The following AGBL1 variants were observed in gnomAD, a reference collection of about 807,000 sequenced individuals.
AGBL1 encodes cytosolic carboxypeptidase 4.
A neutral mutation model predicts 118.9 loss-of-function variants in AGBL1; 130 were observed. The ratio of observed to expected loss-of-function variants is 1.09; its 90% CI spans 0.95 to 1.26. AGBL1 has a LOEUF of 1.26. Ranked by LOEUF, AGBL1 falls within the 50% of genes most tolerant of loss-of-function variation. The pLI, the probability that AGBL1 is intolerant of heterozygous loss-of-function variation, is 0.00. For missense variants in AGBL1, 1,584 were observed against 1,298.1 expected, an observed-to-expected ratio of 1.22 and a Z score of -3.38; for synonymous variants, 555 against 478.9, an observed-to-expected ratio of 1.16 and a Z score of -2.08.
At chr15:86,562,106 A>G (rs572554451) in intron 21 of AGBL1, among the ~76,000 whole-genome samples, 4 of 152,166 alleles carry the variant, frequency 2.6e-5, no homozygotes, top group African/African-American at 4.8e-5. Flanking sequence ...GCAAACAGGG[A>G]CAATTTGACT....
At chr15:86,240,882 G>A (rs1224801188) in intron 6 of AGBL1, among the ~76,000 whole-genome samples, 1 of 152,128 alleles carries the variant, frequency 6.6e-6, no homozygotes, top group African/African-American at 2.4e-5. Context: ...ACTCATATAT[G>A]TCTTATCAAA....
intron 24 of AGBL1, among the ~76,000 whole-genome samples, chr15:87,011,418 G>C (rs192527864): frequency 6.6e-6 from 1 of 152,188 alleles, no homozygotes; most frequent in African/African-American, 2.4e-5. Flanking sequence ...TGGGGGAAAA[G>C]GGGGAATATT....
At chr15:86,139,368 T>C (rs1384455220) in intron 1 of AGBL1, among the ~76,000 whole-genome samples, 3 of 152,194 alleles carry the variant, frequency 2.0e-5, no homozygotes, top group Non-Finnish European at 4.4e-5. Flanking sequence ...TTTTTCATAA[T>C]AGGATTTGGC....
At chr15:86,624,353 C>T (rs996296420) in intron 21 of AGBL1, among the ~76,000 whole-genome samples, 32 of 152,184 alleles carry the variant, frequency 2.1e-4, no homozygotes, top group African/African-American at 7.5e-4. Context: ...TTTGGTCAAG[C>T]TATTGGGCAT....
intron 18 of AGBL1, among the ~76,000 whole-genome samples, chr15:86,504,918 C>T (rs2082957610): frequency 6.6e-6 from 1 of 151,634 alleles, no homozygotes; most frequent in African/African-American, 2.4e-5. Context: ...AAGCCTGAAG[C>T]CTTCCCTTTA....
At chr15:86,345,387 A>G (rs997570249) in intron 17 of AGBL1, among the ~76,000 whole-genome samples, 10 of 152,222 alleles carry the variant, frequency 6.6e-5, no homozygotes, top group Middle Eastern at 6.3e-3. Context: ...TGCACCTACT[A>G]TGTTCCAGGC....
chr15:86,760,635 G>C (rs578193695), intron 22 of AGBL1, among the ~76,000 whole-genome samples: 2 of 151,568 alleles, frequency 1.3e-5, no homozygotes, highest in South Asian at 4.1e-4. Context: ...TAAAGAAACT[G>C]TTGCCTCCTG....
chr15:86,673,160 G>A (rs548757255), intron 21 of AGBL1, among the ~76,000 whole-genome samples: 22 of 152,220 alleles, frequency 1.4e-4, no homozygotes, highest in Admixed American at 5.2e-4. Context: ...ACTGAATTCC[G>A]TTGTATTAAA....
At chr15:86,708,470 A>C (rs747571596) in intron 22 of AGBL1, among the ~76,000 whole-genome samples, 5 of 152,142 alleles carry the variant, frequency 3.3e-5, no homozygotes, top group Non-Finnish European at 5.9e-5. Context: ...GGCCACCATA[A>C]CTATGAGAAA....
intron 18 of AGBL1, among the ~76,000 whole-genome samples, chr15:86,421,594 C>A (rs1006298089): frequency 6.6e-6 from 1 of 152,162 alleles, no homozygotes; most frequent in African/African-American, 2.4e-5. Context: ...CAAATTCACA[C>A]ATAACAATAT....
chr15:86,963,769 T>C (rs1310830311), intron 23 of AGBL1, among the ~76,000 whole-genome samples: 2 of 151,896 alleles, frequency 1.3e-5, no homozygotes, highest in African/African-American at 2.4e-5. Context: ...GAACCACTGT[T>C]CAATGATTTT....
At chr15:86,453,133 C>A (rs575354648) in intron 18 of AGBL1, among the ~76,000 whole-genome samples, 2 of 152,264 alleles carry the variant, frequency 1.3e-5, no homozygotes, top group South Asian at 4.1e-4. Context: ...TTGTCTGCGA[C>A]TCTATCCTCA....
chr15:86,250,972 A>G (rs1317593838), intron 7 of AGBL1, among the ~76,000 whole-genome samples: 1 of 152,180 alleles, frequency 6.6e-6, no homozygotes, highest in African/African-American at 2.4e-5. Context: ...AGTGATGACA[A>G]TGTTAATGAA....
chr15:86,861,722 G>T (rs181695097), intron 22 of AGBL1, among the ~76,000 whole-genome samples: 129 of 152,288 alleles, frequency 8.5e-4, no homozygotes, highest in African/African-American at 2.8e-3. Flanking sequence ...TTAAAACATT[G>T]CCTCATCAAT....
intron 24 of AGBL1, among the ~76,000 whole-genome samples, chr15:86,999,092 G>A (rs1302203158): frequency 6.6e-6 from 1 of 151,046 alleles, no homozygotes; most frequent in Non-Finnish European, 1.5e-5. Context: ...ACCTATGAGT[G>A]AGAACATGCA....
At chr15:86,673,945 G>A (rs756328922) in intron 21 of AGBL1, among the ~76,000 whole-genome samples, 9 of 152,060 alleles carry the variant, frequency 5.9e-5, no homozygotes, top group Non-Finnish European at 1.0e-4. Flanking sequence ...TAAAAATACA[G>A]ATAAAAGCGT....
intron 22 of AGBL1, among the ~76,000 whole-genome samples, chr15:86,705,176 A>C (rs1427199231): frequency 6.6e-6 from 1 of 152,110 alleles, no homozygotes; most frequent in Non-Finnish European, 1.5e-5. Flanking sequence ...TAGGACAAAT[A>C]CCTAATGCAT....
intron 1 of AGBL1, among the ~76,000 whole-genome samples, chr15:86,125,527 T>G (rs1285522914): frequency 6.6e-6 from 1 of 152,222 alleles, no homozygotes; most frequent in Non-Finnish European, 1.5e-5. Context: ...AATGTATTGA[T>G]GAACATCTAA....
Position 86,404,969 on chromosome 15 carries a change from A to G in AGBL1, c.2555+7423A>G, listed in dbSNP as rs1438569730. ...AATGGGCCCTTAAGGGAAAGAGGCA[A>G]TGCTCTTGAGCTTTAAATTGGGAAT... On this transcript the variant is annotated intron_variant, in intron 18 of 22. Transcript: ENST00000614907. 3.3e-5 allele frequency among the ~76,000 whole-genome samples: 5 copies of G among 152,122 alleles called. No homozygotes were observed. The East Asian group carries it at 5.8e-4, about 18-fold the overall frequency.
Sources: gnomAD v4.1 joint callset for allele counts (sites outside exome capture counted in the v4.1 genomes callset) on GRCh38, gnomAD v4.1.1 for gene constraint, MANE v1.5 for transcripts, NCBI Gene and HGNC (gene_info 2026-07-23, HGNC 2026-07-21) for gene names.